The following CCDC91 variants were observed in gnomAD, a reference collection of about 807,000 sequenced individuals.
CCDC91 encodes coiled-coil domain-containing protein 91.
In CCDC91, 48 loss-of-function variants were observed where a neutral mutation model predicts 63.2. The ratio of observed to expected loss-of-function variants is 0.76; its 90% CI spans 0.60 to 0.97. CCDC91 has a LOEUF of 0.97. Among genes scored for constraint, CCDC91 ranks in the 50% least tolerant of loss-of-function variants. The pLI is 0.00. For synonymous variants in CCDC91, 167 were observed against 165.8 expected, an observed-to-expected ratio of 1.01 and a Z score of -0.06; for missense variants, 500 against 494.6, an observed-to-expected ratio of 1.01 and a Z score of -0.10.
At chr12:28,270,620 C>T (rs1199489516) in intron 3 of CCDC91, among the ~76,000 whole-genome samples, 2 of 151,954 alleles carry the variant, frequency 1.3e-5, no homozygotes, top group Non-Finnish European at 2.9e-5. Flanking sequence ...ATTAAATGTG[C>T]GAATAAACAT....
chr12:28,517,111 A>C (rs544661316), intron 12 of CCDC91, among the ~76,000 whole-genome samples: 114 of 152,104 alleles, frequency 7.5e-4, no homozygotes, highest in African/African-American at 2.4e-3. Context: ...CCTGTGCTCC[A>C]AAGGCTGTGC....
rs1942133554 is a variant in CCDC91 at position 28,535,971 on chromosome 12, G to C, written c.1216-13092G>C. On this transcript the variant is annotated intron_variant, in intron 12 of 12. Coordinates refer to ENST00000536442, the MANE Select transcript of CCDC91 (RefSeq NM_018318.5). ...ATGAACCCGGGAGGCGTAGCTTGCA[G>C]TCAGCCGAGATAGCACCACTGCATT... Among the ~76,000 whole-genome samples the C allele has an allele frequency of 2.0e-5, 3 of 151,532 alleles. No homozygotes were observed. The South Asian group carries it at 6.2e-4, about 31-fold the overall frequency.
At chr12:28,210,790 T>C (rs1943180717) in intron 1 of CCDC91, among the ~76,000 whole-genome samples, 1 of 151,792 alleles carries the variant, frequency 6.6e-6, no homozygotes, top group Non-Finnish European at 1.5e-5. Flanking sequence ...CACCCAAATA[T>C]CAAGCAGAAA....
chr12:28,387,455 C>T (rs1042205442), intron 7 of CCDC91, among the ~76,000 whole-genome samples: 25 of 152,076 alleles, frequency 1.6e-4, no homozygotes, highest in African/African-American at 5.3e-4. Context: ...TAAGTTCTTT[C>T]GTGGTGATTT....
chr12:28,456,247 C>G (rs1273381568), intron 11 of CCDC91, among the ~76,000 whole-genome samples: 2 of 152,106 alleles, frequency 1.3e-5, no homozygotes, highest in Admixed American at 1.3e-4. Context: ...GGCCCCTGTG[C>G]TTTCACAGAG....
intron 3 of CCDC91, among the ~76,000 whole-genome samples, chr12:28,269,607 C>T (rs574667272): frequency 6.6e-6 from 1 of 152,230 alleles, no homozygotes; most frequent in East Asian, 1.9e-4. Flanking sequence ...GGCTGGGACA[C>T]AGTGAATGAT....
intron 12 of CCDC91, among the ~76,000 whole-genome samples, chr12:28,543,179 A>G (rs1441910866): frequency 6.6e-6 from 1 of 152,068 alleles, no homozygotes; most frequent in East Asian, 1.9e-4. Context: ...ACCCTAATCC[A>G]GTAAGAGCCC....
intron 12 of CCDC91, among the ~76,000 whole-genome samples, chr12:28,514,706 G>T (rs568852330): frequency 1.3e-5 from 2 of 151,952 alleles, no homozygotes; most frequent in Non-Finnish European, 2.9e-5. Context: ...TTCTCCATAT[G>T]ACTAGCCAGT....
intron 12 of CCDC91, among the ~76,000 whole-genome samples, chr12:28,503,648 C>T (rs1370410346): frequency 1.3e-5 from 2 of 152,124 alleles, no homozygotes; most frequent in Admixed American, 6.6e-5. Flanking sequence ...ATGTTTATTG[C>T]AGCACTATTC....
intron 7 of CCDC91, among the ~76,000 whole-genome samples, chr12:28,386,113 G>A (rs1468398519): frequency 2.0e-5 from 3 of 152,058 alleles, no homozygotes; most frequent in Non-Finnish European, 4.4e-5. Context: ...ATCTCTGGTC[G>A]GTACCAAATG....
chr12:28,351,924 A>G (rs1490119574), intron 6 of CCDC91, among the ~76,000 whole-genome samples: 1 of 152,128 alleles, frequency 6.6e-6, no homozygotes, highest in African/African-American at 2.4e-5. Context: ...TATTAGACAA[A>G]CAAGTTCTCC....
intron 12 of CCDC91, among the ~76,000 whole-genome samples, chr12:28,541,171 C>A (rs758211063): frequency 6.6e-6 from 1 of 152,162 alleles, no homozygotes; most frequent in Non-Finnish European, 1.5e-5. Flanking sequence ...ATAACTAATA[C>A]AGCACATAAA....
At chr12:28,454,113 C>T (rs183954702) in intron 11 of CCDC91, among the ~76,000 whole-genome samples, 11 of 152,198 alleles carry the variant, frequency 7.2e-5, no homozygotes, top group Admixed American at 4.6e-4. Context: ...AATGTTTGCA[C>T]GTTTTGCTAG....
chr12:28,233,665 C>T (rs1466450381), intron 1 of CCDC91, among the ~76,000 whole-genome samples: 1 of 152,106 alleles, frequency 6.6e-6, no homozygotes, highest in African/African-American at 2.4e-5. Context: ...ATTTTGTTAG[C>T]ATAAGTCAAT....
At chr12:28,393,561 C>T (rs2139343003) in intron 8 of CCDC91, among the ~76,000 whole-genome samples, 1 of 152,202 alleles carries the variant, frequency 6.6e-6, no homozygotes, top group Admixed American at 6.5e-5. Flanking sequence ...AACCATATAG[C>T]CTAAAACAGC....
intron 11 of CCDC91, among the ~76,000 whole-genome samples, chr12:28,470,120 G>T (rs140636193): frequency 6.6e-6 from 1 of 152,054 alleles, no homozygotes; most frequent in African/African-American, 2.4e-5. Context: ...GTATGGCAAA[G>T]GAAACAATCA....
chr12:28,306,688 T>G lies in CCDC91; in HGVS notation c.268-54T>G, dbSNP rs569646210. The G allele has an allele frequency of 2.4e-6, 3 of 1,242,348 alleles. No homozygotes were observed. The Admixed American group carries it at 6.7e-5, about 28-fold the overall frequency. The allele number at this position is 1,242,348 out of a possible 1,614,324, so 77.0% of individuals were successfully genotyped here. ...TAGTGCCCTTTGGATGTTTTCATTA[T>G]TGGTATAGTGTAAACTTTCCTCTCT... is the stretch of plus-strand genomic sequence containing the variant. On this transcript the variant is annotated intron_variant, in intron 4 of 12. Coordinates refer to ENST00000536442, the MANE Select transcript of CCDC91 (RefSeq NM_018318.5).
At chr12:28,250,282 GTTA>G (rs1483148819) in intron 1 of CCDC91, among the ~76,000 whole-genome samples, 1 of 152,126 alleles carries the variant, frequency 6.6e-6, no homozygotes, top group Non-Finnish European at 1.5e-5. Flanking sequence ...GGAAAATTTA[GTTA>G]TTAGTAGTTG....
chr12:28,319,325 A>T (rs1940238826), intron 6 of CCDC91: 3 of 152,016 alleles, frequency 2.0e-5, no homozygotes, highest in South Asian at 4.1e-4. Context: ...CAAAAAATGG[A>T]TTAAAAGTCC....
Sources: gnomAD v4.1 joint callset for allele counts (sites outside exome capture counted in the v4.1 genomes callset) on GRCh38, gnomAD v4.1.1 for gene constraint, MANE v1.5 for transcripts, NCBI Gene and HGNC (gene_info 2026-07-23, HGNC 2026-07-21) for gene names.